AGBL4: variants seen among roughly 807,000 people sequenced by gnomAD.
The protein encoded by AGBL4 is cytosolic carboxypeptidase 6.
A neutral mutation model predicts 66.4 loss-of-function variants in AGBL4; 58 were observed. The ratio of observed to expected loss-of-function variants is 0.87; its 90% CI spans 0.71 to 1.09. The LOEUF is 1.09. Among genes scored for constraint, AGBL4 ranks in the 50% least tolerant of loss-of-function variants. AGBL4 has a pLI of 0.00. For missense variants in AGBL4, 579 were observed against 631.0 expected (o/e 0.92, Z 0.88); for synonymous variants, 234 against 222.9 (o/e 1.05, Z -0.44).
intron 3 of AGBL4, among the ~76,000 whole-genome samples, chr1:49,276,090 T>G (rs1644161706): frequency 6.6e-6 from 1 of 151,812 alleles, no homozygotes; most frequent in African/African-American, 2.4e-5. Context: ...TTATTATAGA[T>G]ATTCTCCTAC....
At chr1:49,769,056 C>T (rs947546506) in intron 2 of AGBL4, among the ~76,000 whole-genome samples, 2 of 152,042 alleles carry the variant, frequency 1.3e-5, no homozygotes, top group Admixed American at 1.3e-4. Context: ...ACCATGTTGG[C>T]CAGGATGGTC....
chr1:49,899,615 T>A (rs934716674), intron 1 of AGBL4, among the ~76,000 whole-genome samples: 1 of 152,184 alleles, frequency 6.6e-6, no homozygotes, highest in Non-Finnish European at 1.5e-5. Flanking sequence ...ACTAAGGACA[T>A]CATATTAAAT....
rs1571062599 is a variant in AGBL4 at position 49,567,313 on chromosome 1, C to T, written c.282+130000G>A. Among the ~76,000 whole-genome samples the T allele has an allele frequency of 3.9e-5, 6 of 152,186 alleles. No homozygotes were observed. In the South Asian group the frequency reaches 1.0e-3, roughly 26 times the overall value. On this transcript the variant is annotated intron_variant, in intron 3 of 13. Coordinates refer to ENST00000371839, the MANE Select transcript of AGBL4 (RefSeq NM_032785.4). ...GGTGCACTGCACCCACTGTCCTGCA[C>T]CCACTTTCCGGCACTCCCCAGTGAG...
chr1:49,662,408 C>T lies in AGBL4; in HGVS notation c.282+34905G>A, dbSNP rs564016305. Among the ~76,000 whole-genome samples, 174 of 151,948 alleles carry T rather than the reference C, an allele frequency of 1.1e-3. 1 individual carries two copies. Among genetic ancestry groups the T allele is most frequent in the African/African-American group, 4.0e-3 (167 of 41,458 alleles). ...ATAGTTTAAAAGACAAAAAAGAAGG[C>T]GAAGGGAAACATCTTTTAACACAAT... On this transcript the variant is annotated intron_variant, in intron 3 of 13. Coordinates refer to ENST00000371839, the MANE Select transcript of AGBL4 (RefSeq NM_032785.4).
At chr1:48,601,135 G>A (rs1645067850) in intron 9 of AGBL4, among the ~76,000 whole-genome samples, 1 of 152,180 alleles carries the variant, frequency 6.6e-6, no homozygotes, top group South Asian at 2.1e-4. Context: ...GGTGATAAAA[G>A]GGTACTCATG....
intron 4 of AGBL4, among the ~76,000 whole-genome samples, chr1:49,105,111 GCATTGA>G (rs1349078909): frequency 6.6e-6 from 1 of 152,066 alleles, no homozygotes; most frequent in Non-Finnish European, 1.5e-5. Context: ...TTTATTTTAG[GCATTGA>G]CATTAAGAGT....
intron 11 of AGBL4, among the ~76,000 whole-genome samples, chr1:48,560,376 T>A (rs970256014): frequency 1.3e-5 from 2 of 152,156 alleles, no homozygotes; most frequent in Admixed American, 6.5e-5. Flanking sequence ...CCTCAAATAT[T>A]TGATAATGGC....
chr1:49,151,006 C>A (rs1052605498), intron 4 of AGBL4, among the ~76,000 whole-genome samples: 4 of 152,176 alleles, frequency 2.6e-5, no homozygotes, highest in African/African-American at 7.2e-5. Flanking sequence ...CGGTGGCTCA[C>A]GTCTGTAATC....
intron 3 of AGBL4, among the ~76,000 whole-genome samples, chr1:49,311,424 T>C (rs1191461030): frequency 6.6e-6 from 1 of 152,036 alleles, no homozygotes; most frequent in Non-Finnish European, 1.5e-5. Flanking sequence ...CAAAAAACAT[T>C]TGACTAAATG....
chr1:49,817,124 A>G (rs1557476122), intron 2 of AGBL4, among the ~76,000 whole-genome samples: 1 of 152,182 alleles, frequency 6.6e-6, no homozygotes, highest in Non-Finnish European at 1.5e-5. Flanking sequence ...TGAGAAAATC[A>G]TATTTTCCTT....
intron 1 of AGBL4, among the ~76,000 whole-genome samples, chr1:49,948,020 A>T (rs1249442238): frequency 3.0e-4 from 24 of 80,470 alleles, no homozygotes; most frequent in Non-Finnish European, 3.7e-4. Flanking sequence ...ATATATAAAT[A>T]TATATAAATA....
At chr1:48,553,575 A>C (rs1303484891) in intron 11 of AGBL4, among the ~76,000 whole-genome samples, 2 of 152,118 alleles carry the variant, frequency 1.3e-5, no homozygotes, top group African/African-American at 4.8e-5. Flanking sequence ...GAAACATTTC[A>C]GCTCCGATGT....
At chr1:49,029,876 A>G (rs1207480982) in intron 5 of AGBL4, among the ~76,000 whole-genome samples, 1 of 152,210 alleles carries the variant, frequency 6.6e-6, no homozygotes. Flanking sequence ...AAACTCTTAC[A>G]TGTATAGTCA....
At chr1:49,194,019 T>C (rs973527118) in intron 4 of AGBL4, among the ~76,000 whole-genome samples, 1 of 152,236 alleles carries the variant, frequency 6.6e-6, no homozygotes, top group African/African-American at 2.4e-5. Flanking sequence ...TCTTCAAATG[T>C]CTGTTAGGTC....
rs539167887 is a variant in AGBL4, at chr1:48,574,370, A to C, written c.1267+12634T>G. Among the ~76,000 whole-genome samples, 11 of 152,218 alleles carry C rather than the reference A, an allele frequency of 7.2e-5. No homozygotes were observed. The East Asian group carries it at 7.7e-4, about 11-fold the overall frequency. On this transcript the variant is annotated intron_variant, in intron 11 of 13. Coordinates refer to ENST00000371839, the MANE Select transcript of AGBL4 (RefSeq NM_032785.4). ...CCTTGTTTGTAAAATAGAGATAATAATACTCATCTCTACGGATTGCTGTGG... is the reference window on the plus strand; with the variant it reads ...CCTTGTTTGTAAAATAGAGATAATACTACTCATCTCTACGGATTGCTGTGG...
At chr1:49,368,962 C>A (rs1367791420) in intron 3 of AGBL4, among the ~76,000 whole-genome samples, 1 of 152,018 alleles carries the variant, frequency 6.6e-6, no homozygotes, top group Non-Finnish European at 1.5e-5. Flanking sequence ...GTATTCCCAG[C>A]TACTCAGGAG....
At chr1:49,220,597 G>T (rs1649420864) in intron 4 of AGBL4, among the ~76,000 whole-genome samples, 1 of 152,042 alleles carries the variant, frequency 6.6e-6, no homozygotes, top group African/African-American at 2.4e-5. Flanking sequence ...ACAACATCCA[G>T]TGGTGGTTCT....
chr1:49,678,119 C>A (rs951573914), intron 3 of AGBL4, among the ~76,000 whole-genome samples: 1 of 152,090 alleles, frequency 6.6e-6, no homozygotes, highest in Non-Finnish European at 1.5e-5. Context: ...TTTTTCTAAA[C>A]TACAAATTCA....
intron 2 of AGBL4, among the ~76,000 whole-genome samples, chr1:49,804,282 G>A (rs1027599822): frequency 5.3e-5 from 8 of 152,010 alleles, no homozygotes; most frequent in African/African-American, 1.7e-4. Flanking sequence ...ACTTATGCAC[G>A]GACCTTTTTT....
Sources: gnomAD v4.1 joint callset for allele counts (sites outside exome capture counted in the v4.1 genomes callset) on GRCh38, gnomAD v4.1.1 for gene constraint, MANE v1.5 for transcripts, NCBI Gene and HGNC (gene_info 2026-07-23, HGNC 2026-07-21) for gene names.